The following DPP10 variants were observed in gnomAD, a reference collection of about 807,000 sequenced individuals.
DPP10 encodes the protein dipeptidyl peptidase like 10.
Under a neutral mutation model 120.9 loss-of-function variants are expected in DPP10, and 33 were observed. The observed-to-expected ratio is 0.27, with a 90% confidence interval of 0.21 to 0.37. The LOEUF (loss-of-function observed/expected upper bound fraction) is 0.37, where lower values mean the gene tolerates loss of function less well. Among genes scored for constraint, DPP10 ranks in the 10% least tolerant of loss-of-function variants. The pLI is 1.00. For missense variants in DPP10, 816 were observed against 942.8 expected (o/e 0.87, Z 1.76); for synonymous variants, 337 against 326.1 (o/e 1.03, Z -0.36).
At chr2:115,401,928 T>C (rs940258149) in intron 3 of DPP10, among the ~76,000 whole-genome samples, 4 of 151,884 alleles carry the variant, frequency 2.6e-5, no homozygotes, top group Admixed American at 6.6e-5. Context: ...CTACTATAAA[T>C]ATTTTCAAAA....
chr2:114,728,223 C>A (rs1295524938), intron 1 of DPP10, among the ~76,000 whole-genome samples: 2 of 152,190 alleles, frequency 1.3e-5, no homozygotes, highest in Non-Finnish European at 1.5e-5. Flanking sequence ...ACATAGCCCC[C>A]TTTCCTATGG....
At chr2:115,034,343 C>T (rs1704071829) in intron 1 of DPP10, among the ~76,000 whole-genome samples, 1 of 152,068 alleles carries the variant, frequency 6.6e-6, no homozygotes, top group Non-Finnish European at 1.5e-5. Flanking sequence ...TCTCTCTTCT[C>T]TCCTTGATCT....
chr2:115,020,682 C>T (rs1573333497), intron 1 of DPP10, among the ~76,000 whole-genome samples: 1 of 152,100 alleles, frequency 6.6e-6, no homozygotes, highest in Non-Finnish European at 1.5e-5. Context: ...ATTTACAGAA[C>T]ATTCTACCCA....
rs907584631 is a variant in DPP10 at position 115,548,288 on chromosome 2, A to G, written c.441+22316A>G. On this transcript the variant is annotated intron_variant, in intron 5 of 25. Coordinates refer to ENST00000410059, the MANE Select transcript of DPP10 (RefSeq NM_020868.6). ...CCTTCTTACCAACCAGAAAAGTGGA[A>G]TAAAATTATGACAGTATCATCAACA... Among the ~76,000 whole-genome samples the G allele has an allele frequency of 9.9e-5, 15 of 152,284 alleles. No individual in the cohort carries two copies. The East Asian group carries it at 2.9e-3, about 29-fold the overall frequency.
At chr2:115,244,550 A>C (rs2105602711) in intron 1 of DPP10, among the ~76,000 whole-genome samples, 1 of 151,988 alleles carries the variant, frequency 6.6e-6, no homozygotes, top group South Asian at 2.1e-4. Flanking sequence ...TGAAAGTAAT[A>C]GTTGTGAACA....
At chr2:115,611,829 C>T (rs962589417) in intron 5 of DPP10, among the ~76,000 whole-genome samples, 1 of 152,062 alleles carries the variant, frequency 6.6e-6, no homozygotes, top group Non-Finnish European at 1.5e-5. Flanking sequence ...CTCTCTCTCT[C>T]TCTCAAAAAT....
At chr2:115,266,999 T>C (rs1202832795) in intron 1 of DPP10, among the ~76,000 whole-genome samples, 1 of 152,212 alleles carries the variant, frequency 6.6e-6, no homozygotes, top group African/African-American at 2.4e-5. Context: ...CTAGTCGTTA[T>C]CAATGCCAGA....
intron 19 of DPP10, among the ~76,000 whole-genome samples, chr2:115,804,622 T>G (rs1300708655): frequency 6.6e-6 from 1 of 152,212 alleles, no homozygotes; most frequent in Admixed American, 6.5e-5. Flanking sequence ...GTGGATGTCC[T>G]TTCTGTTTGT....
In DPP10 at chr2:115,767,481, G is replaced by C. The variant is rs933740609; in HGVS notation, c.1114-816G>C. 1.3e-3 allele frequency among the ~76,000 whole-genome samples: 192 copies of C among 145,094 alleles called. 1 individual carries two copies. The highest frequency in any genetic ancestry group is 4.6e-3 in the African/African-American group (188 of 40,810). ...TCTCTCTACATACATATATGTGTGT[G>C]TGTGTGTGTATATATATATACACAT... On this transcript the variant is annotated intron_variant, in intron 12 of 25. Transcript: ENST00000410059.
chr2:115,203,422 T>G (rs1451648603), intron 1 of DPP10, among the ~76,000 whole-genome samples: 1 of 152,146 alleles, frequency 6.6e-6, no homozygotes, highest in Non-Finnish European at 1.5e-5. Context: ...CATACGTGCT[T>G]CTTTTTTAAT....
chr2:115,796,540 A>G (rs1190708885), intron 19 of DPP10, among the ~76,000 whole-genome samples: 3 of 152,140 alleles, frequency 2.0e-5, no homozygotes, highest in African/African-American at 7.2e-5. Flanking sequence ...TGAGTTTATA[A>G]TTGATTTCTG....
chr2:114,657,074 G>T (rs762172258), intron 1 of DPP10, among the ~76,000 whole-genome samples: 3 of 152,020 alleles, frequency 2.0e-5, no homozygotes, highest in East Asian at 1.9e-4. Flanking sequence ...GTCAGTACTA[G>T]GTGTCTCTGC....
At chr2:115,032,616 C>A (rs919883515) in intron 1 of DPP10, among the ~76,000 whole-genome samples, 1 of 151,982 alleles carries the variant, frequency 6.6e-6, no homozygotes, top group Non-Finnish European at 1.5e-5. Context: ...TGTGGTGGCT[C>A]ACTCCTGTAA....
chr2:114,897,586 A>G (rs561434595), intron 1 of DPP10, among the ~76,000 whole-genome samples: 5,678 of 151,676 alleles, frequency 0.037, 187 homozygotes, highest in African/African-American at 0.084. Flanking sequence ...GAAAATTTTC[A>G]CAACCTACTC....
intron 19 of DPP10, among the ~76,000 whole-genome samples, chr2:115,801,980 A>G (rs952225988): frequency 7.2e-5 from 11 of 151,792 alleles, no homozygotes; most frequent in African/African-American, 7.3e-5. Flanking sequence ...CTCTTTTTCT[A>G]TTGATTGGAA....
chr2:115,630,785 T>A (rs1012489908), intron 5 of DPP10, among the ~76,000 whole-genome samples: 1 of 152,190 alleles, frequency 6.6e-6, no homozygotes, highest in East Asian at 1.9e-4. Flanking sequence ...CTTTTTGATA[T>A]GTTGCTGGAT....
intron 1 of DPP10, among the ~76,000 whole-genome samples, chr2:115,222,433 C>CT (rs1331869230): frequency 3.9e-5 from 6 of 152,020 alleles, no homozygotes; most frequent in African/African-American, 1.2e-4. Flanking sequence ...TGCTGCTTTC[C>CT]TGATAATACA....
At chr2:115,023,152 G>T (rs1308872956) in intron 1 of DPP10, among the ~76,000 whole-genome samples, 1 of 152,020 alleles carries the variant, frequency 6.6e-6, no homozygotes, top group African/African-American at 2.4e-5. Flanking sequence ...AAACAGATGG[G>T]ACTTAATTGA....
At chr2:115,684,172 T>A (rs1409239213) in intron 5 of DPP10, among the ~76,000 whole-genome samples, 1 of 151,856 alleles carries the variant, frequency 6.6e-6, no homozygotes, top group African/African-American at 2.4e-5. Context: ...TCCTTTTCAA[T>A]CAATACTTGT....
Sources: gnomAD v4.1 joint callset for allele counts (sites outside exome capture counted in the v4.1 genomes callset) on GRCh38, gnomAD v4.1.1 for gene constraint, MANE v1.5 for transcripts, NCBI Gene and HGNC (gene_info 2026-07-23, HGNC 2026-07-21) for gene names.